The following TRPM3 variants were observed in gnomAD, a reference collection of about 807,000 sequenced individuals.
TRPM3 encodes the protein transient receptor potential cation channel subfamily M member 3, also known as long transient receptor potential channel 3.
TRPM3 carries 77 observed loss-of-function variants against 181.2 expected under a neutral mutation model. The observed-to-expected ratio is 0.42, with a 90% CI of 0.35 to 0.51. The LOEUF is 0.51. TRPM3 is among the 20% of genes least tolerant of loss of function. TRPM3 has a pLI of 0.01. For missense variants in TRPM3, 1,759 were observed against 2,196.7 expected (o/e 0.80, Z 3.98); for synonymous variants, 745 against 796.4 (o/e 0.94, Z 1.09).
At chr9:70,860,569 G>A (rs1425436842) in intron 3 of TRPM3, among the ~76,000 whole-genome samples, 1 of 152,138 alleles carries the variant, frequency 6.6e-6, no homozygotes, top group East Asian at 1.9e-4. Flanking sequence ...TGACAGTCAG[G>A]CTGTAAATAA....
intron 1 of TRPM3, among the ~76,000 whole-genome samples, chr9:71,198,494 C>T (rs909990681): frequency 6.6e-6 from 1 of 152,158 alleles, no homozygotes; most frequent in Non-Finnish European, 1.5e-5. Flanking sequence ...TTGATTCTTC[C>T]TACCCATGAG....
At chr9:70,672,404 C>T (rs954421875) in intron 9 of TRPM3, among the ~76,000 whole-genome samples, 1 of 152,154 alleles carries the variant, frequency 6.6e-6, no homozygotes, top group African/African-American at 2.4e-5. Flanking sequence ...AGATTAGTGT[C>T]CAAGAGATAC....
At chr9:71,294,194 G>A (rs886827162) in intron 1 of TRPM3, among the ~76,000 whole-genome samples, 6 of 151,850 alleles carry the variant, frequency 4.0e-5, no homozygotes, top group Non-Finnish European at 7.4e-5. Context: ...ACCATGAAAT[G>A]ATAATCCAAA....
intron 22 of TRPM3, among the ~76,000 whole-genome samples, chr9:70,581,191 C>T (rs1235653462): frequency 1.3e-5 from 2 of 152,244 alleles, no homozygotes; most frequent in Non-Finnish European, 2.9e-5. Flanking sequence ...CCCCTCTATC[C>T]TTAACTCACC....
At chr9:70,798,882 G>C (rs1240799657) in intron 6 of TRPM3, among the ~76,000 whole-genome samples, 1 of 152,206 alleles carries the variant, frequency 6.6e-6, no homozygotes, top group Non-Finnish European at 1.5e-5. Context: ...CAGAGACCTA[G>C]AGAAGAACAT....
At chr9:70,678,679 T>C (rs1389109279) in intron 9 of TRPM3, among the ~76,000 whole-genome samples, 1 of 152,214 alleles carries the variant, frequency 6.6e-6, no homozygotes, top group Non-Finnish European at 1.5e-5. Flanking sequence ...CAGAAATTTC[T>C]CAGATTCCGC....
chr9:71,436,198 C>T (rs1429268101), intron 1 of TRPM3, among the ~76,000 whole-genome samples: 2 of 151,916 alleles, frequency 1.3e-5, no homozygotes, highest in African/African-American at 2.4e-5. Context: ...AAGTGCCTTT[C>T]GCATCCTGCC....
intron 1 of TRPM3, among the ~76,000 whole-genome samples, chr9:71,047,530 A>G (rs921805379): frequency 6.6e-6 from 1 of 152,166 alleles, no homozygotes; most frequent in Non-Finnish European, 1.5e-5. Context: ...CGATAGGTTG[A>G]TTTGACACAG....
intron 8 of TRPM3, among the ~76,000 whole-genome samples, chr9:70,760,518 AT>A (rs1240443134): frequency 2.0e-5 from 3 of 150,760 alleles, no homozygotes; most frequent in Non-Finnish European, 4.4e-5. Context: ...GCTTCTATAT[AT>A]GGGGCAGCCA....
chr9:70,862,547 G>T (rs1415691120), intron 3 of TRPM3, among the ~76,000 whole-genome samples: 2 of 151,830 alleles, frequency 1.3e-5, no homozygotes, highest in Non-Finnish European at 2.9e-5. Flanking sequence ...TCACCAAAGG[G>T]ATAAAAAAAG....
chr9:70,936,914 C>T (rs999172656), intron 1 of TRPM3, among the ~76,000 whole-genome samples: 1 of 150,868 alleles, frequency 6.6e-6, no homozygotes, highest in Admixed American at 6.6e-5. Context: ...AAAGACCATA[C>T]AAAAAACCAT....
intron 9 of TRPM3, among the ~76,000 whole-genome samples, chr9:70,655,305 C>CTAAA (rs2060169668): frequency 3.0e-5 from 1 of 33,186 alleles, no homozygotes; most frequent in Non-Finnish European, 5.9e-5. Context: ...GACTCCGTCT[C>CTAAA]AAAAAAAAAA....
intron 9 of TRPM3, among the ~76,000 whole-genome samples, chr9:70,674,416 A>AGTT (rs1434022720): frequency 2.6e-5 from 4 of 152,188 alleles, no homozygotes; most frequent in Admixed American, 1.3e-4. Flanking sequence ...CTAGGATTTA[A>AGTT]GTTATTTTTT....
chr9:71,194,493 C>T (rs1329673156), intron 1 of TRPM3, among the ~76,000 whole-genome samples: 1 of 151,838 alleles, frequency 6.6e-6, no homozygotes, highest in South Asian at 2.1e-4. Context: ...CACAGGTGAT[C>T]CAGCTAGAGT....
In TRPM3 at chr9:70,534,253, T is replaced by C. The variant is rs893059962; in HGVS notation, c.*1700A>G. On this transcript the variant is annotated 3_prime_UTR_variant, in exon 26 of 26. Coordinates refer to ENST00000677713, the MANE Select transcript of TRPM3 (RefSeq NM_001366145.2). Reference sequence around the variant, plus strand: ...AGGAAAAGCGAGACTAAATGAGATGTCCTGATAGTGAGTGATTTCAGACAA... The same window carrying C: ...AGGAAAAGCGAGACTAAATGAGATGCCCTGATAGTGAGTGATTTCAGACAA... 3.9e-5 allele frequency: 6 copies of C among 152,218 alleles called. No individual in the cohort carries two copies. Among genetic ancestry groups the C allele is most frequent in the Admixed American group, 1.3e-4 (2 of 15,286 alleles). The allele number at this position is 152,218 out of a possible 1,614,324, so 9.4% of individuals were successfully genotyped here. A position where few individuals can be genotyped will look rare whatever the true frequency, so the allele number is the denominator to read the frequency against.
intron 1 of TRPM3, among the ~76,000 whole-genome samples, chr9:71,177,933 A>C (rs1355306464): frequency 3.7e-5 from 1 of 27,232 alleles, no homozygotes; most frequent in Non-Finnish European, 8.6e-5. Flanking sequence ...GCTCAAAGCC[A>C]AAAAAAAAAA....
chr9:71,036,769 A>G (rs933529025), intron 1 of TRPM3, among the ~76,000 whole-genome samples: 1 of 152,234 alleles, frequency 6.6e-6, no homozygotes, highest in African/African-American at 2.4e-5. Context: ...GTGCAAAACG[A>G]CAGCATGGAA....
chr9:71,438,728 T>C (rs1394471874), intron 1 of TRPM3, among the ~76,000 whole-genome samples: 1 of 152,186 alleles, frequency 6.6e-6, no homozygotes, highest in Non-Finnish European at 1.5e-5. Flanking sequence ...GAGGAAGTGA[T>C]GTAATACCTA....
intron 1 of TRPM3, among the ~76,000 whole-genome samples, chr9:71,101,301 C>A (rs1400319298): frequency 6.6e-6 from 1 of 152,172 alleles, no homozygotes; most frequent in Non-Finnish European, 1.5e-5. Flanking sequence ...AATACCTCCA[C>A]AGTCAGTCGC....
Sources: gnomAD v4.1 joint callset for allele counts (sites outside exome capture counted in the v4.1 genomes callset) on GRCh38, gnomAD v4.1.1 for gene constraint, MANE v1.5 for transcripts, NCBI Gene and HGNC (gene_info 2026-07-23, HGNC 2026-07-21) for gene names.